Variants in DCAF17 observed in about 807,000 individuals in gnomAD.
DCAF17 encodes DDB1- and CUL4-associated factor 17.
In DCAF17, 48 loss-of-function variants were observed where a neutral mutation model predicts 66.0. The observed-to-expected ratio is 0.73, with a 90% CI of 0.58 to 0.92. The LOEUF (loss-of-function observed/expected upper bound fraction) is 0.92. Ranked by LOEUF, DCAF17 falls within the 40% of genes least tolerant of loss-of-function variation. The probability of loss-of-function intolerance (pLI) is 0.00; values close to 1 mark genes in which losing one functional copy is unlikely to be tolerated. For missense variants in DCAF17, 562 were observed against 622.8 expected, an observed-to-expected ratio of 0.90 and a Z score of 1.04; for synonymous variants, 206 against 214.6, an observed-to-expected ratio of 0.96 and a Z score of 0.35.
rs1467046360 is a variant in DCAF17, at chr2:171,458,004, C to G, written c.661C>G (p.His221Asp). The G allele has an allele frequency of 6.2e-7, 1 of 1,613,970 alleles. No individual in the cohort carries two copies. The highest frequency in any genetic ancestry group is 8.5e-7 in the Non-Finnish European group (1 of 1,179,990). The change falls in exon 7 of 14, where the codon CAT becomes GAT. Residue 221 changes from histidine to aspartate, a missense_variant. Transcript: ENST00000375255. ...GAACGTTACAGATGCTACCTTGTCTCATGGAATACTGATTGTGATGTACAG... is the reference window on the plus strand; with the variant it reads ...GAACGTTACAGATGCTACCTTGTCTGATGGAATACTGATTGTGATGTACAG... ...FGNVTDATLS[H>D]GILIVMYSSG...
At chr2:171,449,737 G>C in intron 4 of DCAF17, 142 bp from the exon 5 acceptor site, 1 of 530,770 alleles carries the variant, frequency 1.9e-6, no homozygotes, top group Non-Finnish European at 3.2e-6. Context: ...AATTTTTTTA[G>C]CTATTTATTT....
Position 171,476,986 on chromosome 2 carries a change from A to G in DCAF17, c.1182+36A>G, listed in dbSNP as rs1034685141. Reference sequence around the variant, plus strand: ...AGTACTTTAAAATCCTTTATATATCATTGTCTTTCTATATAAGACTATAAT... The same window carrying G: ...AGTACTTTAAAATCCTTTATATATCGTTGTCTTTCTATATAAGACTATAAT... On this transcript the variant is annotated intron_variant, in intron 11 of 13. Transcript: ENST00000375255. 3.0e-5 allele frequency: 44 copies of G among 1,467,524 alleles called. No individual in the cohort carries two copies. The Admixed American group carries it at 6.5e-4, about 22-fold the overall frequency. The allele number at this position is 1,467,524 out of a possible 1,614,324, so 90.9% of individuals were successfully genotyped here. A position where few individuals can be genotyped will look rare whatever the true frequency, so the allele number is the denominator to read the frequency against.
intron 8 of DCAF17, among the ~76,000 whole-genome samples, chr2:171,467,100 T>C (rs1197580808): frequency 6.6e-6 from 1 of 152,144 alleles, no homozygotes; most frequent in Non-Finnish European, 1.5e-5. Context: ...TTCCTCAAGA[T>C]TTTTTGTGAA....
At chr2:171,443,382 A>G (rs1180181599) in intron 2 of DCAF17, 141 bp from the exon 3 acceptor site, 6 of 625,806 alleles carry the variant, frequency 9.6e-6, no homozygotes, top group Non-Finnish European at 1.4e-5. Flanking sequence ...TCAGAAAAAA[A>G]TATTAATATT....
intron 8 of DCAF17, among the ~76,000 whole-genome samples, chr2:171,460,322 C>CA (rs770720263): frequency 0.013 from 1,005 of 76,626 alleles, 9 homozygotes; most frequent in Non-Finnish European, 0.016. Flanking sequence ...GATTCCATCT[C>CA]AAAAAAAAAA....
chr2:171,467,727 CAAAA>C lies in DCAF17; in HGVS notation c.839-1137_839-1134del, dbSNP rs34238683. Among the ~76,000 whole-genome samples the C allele has an allele frequency of 5.9e-3, 405 of 68,728 alleles. 8 individuals are homozygous for C. Among genetic ancestry groups the C allele is most frequent in the African/African-American group, 0.02 (354 of 17,308 alleles). The allele number at this position is 68,728 out of a possible 152,430, so 45.1% of individuals were successfully genotyped here. On this transcript the variant is annotated intron_variant, in intron 8 of 13. Transcript: ENST00000375255. Reference sequence around the variant, plus strand: ...CCTAGGTGACAGAGCGAGACTGTCTCAAAAAAAAAAAAAAAAAAAAAAAAAAAGT... The same window carrying C: ...CCTAGGTGACAGAGCGAGACTGTCTCAAAAAAAAAAAAAAAAAAAAAAAGT...
intron 8 of DCAF17, 31 bp downstream of exon 8, chr2:171,458,508 T>C (rs759755757): frequency 3.3e-6 from 5 of 1,516,088 alleles, no homozygotes; most frequent in Middle Eastern, 1.7e-4. Flanking sequence ...TTTTTCACCT[T>C]AAAAAAATTA....
chr2:171,480,870 G>C, intron 13 of DCAF17, 104 bp from the exon 14 acceptor site: 1 of 1,381,076 alleles, frequency 7.2e-7, no homozygotes, highest in Non-Finnish European at 1.0e-6. Context: ...TTTCTTCTAA[G>C]TGTATGTTTG....
chr2:171,436,996 A>AC (rs1371725973), intron 2 of DCAF17, among the ~76,000 whole-genome samples: 1 of 152,014 alleles, frequency 6.6e-6, no homozygotes, highest in Non-Finnish European at 1.5e-5. Context: ...CTGGTCTCGA[A>AC]CGCCCAGCTT....
intron 8 of DCAF17, among the ~76,000 whole-genome samples, chr2:171,465,259 T>C (rs967055590): frequency 1.3e-5 from 2 of 151,998 alleles, no homozygotes; most frequent in African/African-American, 2.4e-5. Flanking sequence ...GTTTCTTTTC[T>C]CCTTAGTGTA....
intron 8 of DCAF17, among the ~76,000 whole-genome samples, chr2:171,463,349 AT>A (rs1375674130): frequency 6.6e-6 from 1 of 151,678 alleles, no homozygotes; most frequent in Non-Finnish European, 1.5e-5. Context: ...AAAAATCTTC[AT>A]TTGTGTAAAG....
Position 171,482,861 on chromosome 2 carries a change from CAG to C in DCAF17, c.*1748_*1749del, listed in dbSNP as rs1002439413. On this transcript the variant is annotated 3_prime_UTR_variant, in exon 14 of 14. Transcript: ENST00000375255. ...ATATAACTTACCACTAAGAAACCCC[CAG>C]TATGTCACCACTGCCTAAATCTAAC... is the stretch of plus-strand genomic sequence containing the variant. 3 of 453,922 alleles carry C rather than the reference CAG, an allele frequency of 6.6e-6. No homozygotes were observed. The highest frequency in any genetic ancestry group is 1.3e-5 in the Non-Finnish European group (3 of 226,786). The allele number at this position is 453,922 out of a possible 1,614,324, so 28.1% of individuals were successfully genotyped here.
chr2:171,463,477 A>G (rs980286369), intron 8 of DCAF17, among the ~76,000 whole-genome samples: 9 of 152,208 alleles, frequency 5.9e-5, no homozygotes, highest in African/African-American at 2.2e-4. Flanking sequence ...CGGAAGAGAT[A>G]CAGATCAAAG....
chr2:171,457,268 A>G (rs572203710), intron 6 of DCAF17, among the ~76,000 whole-genome samples: 1 of 152,364 alleles, frequency 6.6e-6, no homozygotes, highest in African/African-American at 2.4e-5. Flanking sequence ...AGAAATGAAC[A>G]TGTGGCAAAG....
At position 171,471,806 on chromosome 2, in the gene DCAF17, G is replaced by A. The variant is rs555983484; in HGVS notation, c.982-2060G>A. Among the ~76,000 whole-genome samples the A allele has an allele frequency of 2.0e-4, 31 of 152,262 alleles. No homozygotes were observed. In the South Asian group the frequency reaches 6.4e-3, roughly 32 times the overall value. ...TAGGCAGGCAGATGGCTTGAGCCCA[G>A]GAGTTCAAGATCAGCCTGGGCAGCA... On this transcript the variant is annotated intron_variant, in intron 9 of 13. Coordinates refer to ENST00000375255, the MANE Select transcript of DCAF17 (RefSeq NM_025000.4).
chr2:171,460,533 TA>T (rs1164811073), intron 8 of DCAF17, among the ~76,000 whole-genome samples: 2 of 145,588 alleles, frequency 1.4e-5, no homozygotes, highest in Non-Finnish European at 3.0e-5. Flanking sequence ...TTATTATTAT[TA>T]TTATTATTAA....
chr2:171,479,685 T>C (rs112712598), intron 12 of DCAF17: 85 of 315,304 alleles, frequency 2.7e-4, no homozygotes, highest in African/African-American at 1.8e-3. Flanking sequence ...TTTAGTCCTG[T>C]CCAGGAATCA....
chr2:171,468,943 AGG>A lies in DCAF17; in HGVS notation c.895_896del (p.Gly299ProfsTer10). The A allele has an allele frequency of 1.2e-6, 2 of 1,614,146 alleles. No individual in the cohort carries two copies. Among genetic ancestry groups the A allele is most frequent in the Non-Finnish European group, 1.7e-6 (2 of 1,180,002 alleles). The stretch of plus-strand genomic sequence containing the variant: ...CCCTGGAGAATGCTTTTCAGATTGG[AGG>A]CCATCCTTGGCACTACATCGTCACA... Reference protein sequence around the residue: ...SSLENAFQIGGHPWHYIVTPN... With the variant: ...SSLENAFQIGXHPWHYIVTPN... On this transcript the variant is annotated frameshift_variant, in exon 9 of 14. Transcript: ENST00000375255. LOFTEE classifies it high-confidence loss of function.
At chr2:171,464,860 A>G (rs897829200) in intron 8 of DCAF17, among the ~76,000 whole-genome samples, 1 of 152,148 alleles carries the variant, frequency 6.6e-6, no homozygotes, top group African/African-American at 2.4e-5. Context: ...TACTATATAT[A>G]TATGATAGTC....
Sources: allele counts gnomAD v4.1 joint callset (sites outside exome capture counted in the v4.1 genomes callset), GRCh38; gene constraint gnomAD v4.1.1; transcripts MANE v1.5; gene names NCBI Gene and HGNC (gene_info 2026-07-23, HGNC 2026-07-21).